Variants in ACADVL observed in about 807,000 individuals in gnomAD.
ACADVL encodes acyl-CoA dehydrogenase very long chain, also known as very long-chain acyl-CoA dehydrogenase, mitochondrial.
ACADVL carries 73 observed loss-of-function variants against 80.4 expected under a neutral mutation model. The observed-to-expected ratio is 0.91, with a 90% CI of 0.75 to 1.10. ACADVL has a LOEUF of 1.10. ACADVL is among the 50% of genes least tolerant of loss of function. The pLI is 0.00. For missense variants in ACADVL, 878 were observed against 858.9 expected (o/e 1.02, Z -0.28); for synonymous variants, 392 against 326.5 (o/e 1.20, Z -2.16).
At position 7,220,618 on chromosome 17, in the gene ACADVL, T is replaced by C; in HGVS notation, c.219T>C (p.Phe73=). 6.2e-7 allele frequency: 1 copy of C among 1,614,190 alleles called. No individual in the cohort carries two copies. The highest frequency in any genetic ancestry group is 8.5e-7 in the Non-Finnish European group (1 of 1,180,020). The change falls in exon 4 of 20, where the codon TTT becomes TTC. Residue 73 remains phenylalanine, a synonymous_variant. Transcript: ENST00000356839. ...TCTCTGCCCAGGAATCTAAGTCCTT[T>C]GCTGTGGGAATGTTCAAAGGCCAGC... ...KKPAKAESKS[F]AVGMFKGQLT...
At chr17:7,218,606 G>T, upstream of ACADVL, 1 of 1,565,674 alleles carries the variant, frequency 6.4e-7, no homozygotes, top group East Asian at 2.4e-5. Context: ...CCGCAGCAGT[G>T]GGGGTGCCAG....
At chr17:7,223,561 AT>A in intron 11 of ACADVL, 82 bp from the exon 12 acceptor site, 1 of 1,448,974 alleles carries the variant, frequency 6.9e-7, no homozygotes, top group Non-Finnish European at 9.7e-7. Flanking sequence ...GTCAGCCCTT[AT>A]CTTGGAGATC....
chr17:7,224,826 G>A lies in ACADVL; in HGVS notation c.1769G>A (p.Ser590Asn). ...CCTGCCAGGGCCTCAAGATCCCTGA[G>A]TGAGGGCCACCCCACGGCCCAGCAT... ...VVLSRASRSL[S>N]EGHPTAQHEK... is the part of the protein sequence containing the mutation. The change falls in exon 19 of 20, where the codon AGT (serine) becomes AAT (asparagine). Residue 590 changes from serine (S) to asparagine (N), a missense_variant. Transcript: ENST00000356839. 5.0e-6 allele frequency: 8 copies of A among 1,613,978 alleles called. No individual in the cohort carries two copies. The highest frequency in any genetic ancestry group is 6.8e-6 in the Non-Finnish European group (8 of 1,180,002).
At chr17:7,217,736 G>C (rs1057510979), upstream of ACADVL, 3 of 1,535,152 alleles carry the variant, frequency 2.0e-6, no homozygotes, top group African/African-American at 2.7e-5. Context: ...AATGGGAAAG[G>C]AGATAGAAGC....
chr17:7,219,035 A>G (rs2142953622), upstream of ACADVL: 4 of 654,574 alleles, frequency 6.1e-6, no homozygotes, highest in East Asian at 1.1e-4. Flanking sequence ...CCCTCTTCCC[A>G]TAGGCAGGCA....
upstream of ACADVL, chr17:7,217,896 A>G: frequency 7.2e-7 from 1 of 1,395,414 alleles, no homozygotes; most frequent in African/African-American, 1.4e-5. Flanking sequence ...TACGGGAGGG[A>G]GGCCTCTCGG....
At position 7,220,683 on chromosome 17, in the gene ACADVL, G is replaced by C. The variant is rs1405587459; in HGVS notation, c.277+7G>C. On this transcript the variant is annotated splice_region_variant and intron_variant, in intron 4 of 19. Transcript: ENST00000356839. Reference sequence around the variant, plus strand: ...GTGTTCCCATACCCGTCCGGTAAGGGAAGGGATAATCAGAGCTGGGTGGGG... The same window carrying C: ...GTGTTCCCATACCCGTCCGGTAAGGCAAGGGATAATCAGAGCTGGGTGGGG... 2 of 1,614,098 alleles carry C rather than the reference G, an allele frequency of 1.2e-6. No homozygotes were observed. The highest frequency in any genetic ancestry group is 1.7e-6 in the Non-Finnish European group (2 of 1,180,050).
upstream of ACADVL, chr17:7,219,121 C>G: frequency 5.6e-6 from 3 of 537,936 alleles, no homozygotes; most frequent in Non-Finnish European, 9.9e-6. Flanking sequence ...CAAAAAGAAG[C>G]TGAGCCCAGC....
Position 7,221,990 on chromosome 17 carries a change from A to G in ACADVL, c.661A>G (p.Ser221Gly), listed in dbSNP as rs767063791. Residue 221 changes from serine (S) to glycine (G), a missense_variant, in exon 8 of 20, where the codon AGC becomes GGC. By Grantham distance (56) the Ser-to-Gly change is moderately conservative. Transcript: ENST00000356839. ...CGCTTTCTGTCTAACCGAGCCCTCAAGCGGGTCAGATGCAGCCTCCATCCG... is the reference window on the plus strand; with the variant it reads ...CGCTTTCTGTCTAACCGAGCCCTCAGGCGGGTCAGATGCAGCCTCCATCCG... ...VAAFCLTEPS[S>G]GSDAASIRTS... 2 of 1,613,990 alleles carry G rather than the reference A, an allele frequency of 1.2e-6. No individual in the cohort carries two copies. The highest frequency in any genetic ancestry group is 1.7e-6 in the Non-Finnish European group (2 of 1,180,028).
intron 6 of ACADVL, 187 bp from the exon 7 acceptor site, chr17:7,221,351 C>T (rs762196735): frequency 3.7e-6 from 4 of 1,084,618 alleles, no homozygotes; most frequent in African/African-American, 1.5e-5. Context: ...TAAGACAGAC[C>T]AGCATTCTCT....
In ACADVL at chr17:7,224,808, G is replaced by C; in HGVS notation, c.1752-1G>C. On this transcript the variant is annotated splice_acceptor_variant, in intron 18 of 19. Coordinates refer to ENST00000356839, the MANE Select transcript of ACADVL (RefSeq NM_000018.4). LOFTEE classifies it high-confidence loss of function. ...TATTTTCATCTCCTGCTTCCTGCCA[G>C]GGCCTCAAGATCCCTGAGTGAGGGC... is the stretch of plus-strand genomic sequence containing the variant. 1 of 1,614,014 alleles carries C rather than the reference G, an allele frequency of 6.2e-7. No individual in the cohort carries two copies. The highest frequency in any genetic ancestry group is 8.5e-7 in the Non-Finnish European group (1 of 1,180,022).
Position 7,222,695 on chromosome 17 carries a change from A to G in ACADVL, c.907A>G (p.Lys303Glu), listed in dbSNP as rs369149696. 6.2e-7 allele frequency: 1 copy of G among 1,613,954 alleles called. No homozygotes were observed. Among genetic ancestry groups the G allele is most frequent in the African/African-American group, 1.3e-5 (1 of 74,908 alleles). Residue 303 changes from lysine to glutamate, a missense_variant, in exon 10 of 20, where the codon AAG becomes GAG. By Grantham distance (56) the Lys-to-Glu change is moderately conservative. Transcript: ENST00000356839. The stretch of plus-strand genomic sequence containing the variant: ...GCCCCCTGAGAAGAAGATGGGCATC[A>G]AGGCTTCAAACACAGCAGAGGTGTT... ...HGPPEKKMGI[K>E]ASNTAEVFFD...
At position 7,224,148 on chromosome 17, in the gene ACADVL, CAAAGG is replaced by C; in HGVS notation, c.1444_1448del (p.Lys482AlafsTer78). On this transcript the variant is annotated frameshift_variant, in exon 15 of 20. Transcript: ENST00000356839. LOFTEE classifies it high-confidence loss of function. ...TGCTGGACCCTCTTCCCCCATAGGA[CAAAGG>C]AAAGGAGCTCTCTGGGCTTGGCAGT... The C allele has an allele frequency of 6.2e-7, 1 of 1,614,044 alleles. No individual in the cohort carries two copies. The highest frequency in any genetic ancestry group is 8.5e-7 in the Non-Finnish European group (1 of 1,180,012).
upstream of ACADVL, chr17:7,218,442 C>T: frequency 7.1e-6 from 10 of 1,400,254 alleles, no homozygotes; most frequent in Non-Finnish European, 9.9e-6. Flanking sequence ...CTGCATGGTG[C>T]TCCAGCTTGG....
Position 7,222,824 on chromosome 17 carries a change from G to T in ACADVL, c.1036G>T (p.Ala346Ser). 2 of 1,613,420 alleles carry T rather than the reference G, an allele frequency of 1.2e-6. No individual in the cohort carries two copies. Among genetic ancestry groups the T allele is most frequent in the Non-Finnish European group, 1.7e-6 (2 of 1,180,010 alleles). Reference protein sequence around the residue: ...ILNNGRFGMAAALAGTMRGII... With the variant: ...ILNNGRFGMASALAGTMRGII... Reference sequence around the variant, plus strand: ...CAACAATGGAAGGTTTGGCATGGCTGCGGCCCTGGCAGGTACCATGAGAGG... The same window carrying T: ...CAACAATGGAAGGTTTGGCATGGCTTCGGCCCTGGCAGGTACCATGAGAGG... Residue 346 changes from alanine (A) to serine (S), a missense_variant, in exon 10 of 20, where the codon GCG (alanine) becomes TCG (serine). Transcript: ENST00000356839.
chr17:7,219,362 G>A (rs2071077609), upstream of ACADVL: 2 of 1,004,762 alleles, frequency 2.0e-6, no homozygotes, highest in African/African-American at 3.5e-5. Context: ...AGGTCTCAGA[G>A]GCTTTACTAA....
chr17:7,222,356 T>C lies in ACADVL; in HGVS notation c.878+54T>C, dbSNP rs2071273597. ...GGACTGAGGGGCAGGACTGGGCTCC[T>C]GGGCAGATGGCTGTTGCAAGTCACC... On this transcript the variant is annotated intron_variant, in intron 9 of 19. Coordinates refer to ENST00000356839, the MANE Select transcript of ACADVL (RefSeq NM_000018.4). 6 of 1,597,558 alleles carry C rather than the reference T, an allele frequency of 3.8e-6. No homozygotes were observed. In the South Asian group the frequency reaches 4.5e-5, roughly 12 times the overall value.
Position 7,223,654 on chromosome 17 carries a change from AC to A in ACADVL, c.1194del (p.Tyr398Ter). On this transcript the variant is annotated frameshift_variant, in exon 12 of 20. Transcript: ENST00000356839. LOFTEE classifies it high-confidence loss of function. ...ACTATGCAACCTCAGTCCATGGCTTACATGGTGAGTGCTAACATGGACCAGG... is the reference window on the plus strand; with the variant it reads ...ACTATGCAACCTCAGTCCATGGCTTAATGGTGAGTGCTAACATGGACCAGG... ...MLQYVTESMA[Y>X]MVSANMDQGA... 6.2e-7 allele frequency: 1 copy of A among 1,614,166 alleles called. No homozygotes were observed.
At chr17:7,222,352 C>T in intron 9 of ACADVL, 50 bp downstream of exon 9, 2 of 1,600,246 alleles carry the variant, frequency 1.2e-6, no homozygotes, top group Non-Finnish European at 1.7e-6. Context: ...CAGGACTGGG[C>T]TCCTGGGCAG....
Sources: gnomAD v4.1 joint callset for allele counts on GRCh38, gnomAD v4.1.1 for gene constraint, MANE v1.5 for transcripts, NCBI Gene and HGNC (gene_info 2026-07-23, HGNC 2026-07-21) for gene names.